Variants in TTC21B observed in about 807,000 individuals in gnomAD.
TTC21B encodes the protein tetratricopeptide repeat protein 21B.
TTC21B carries 127 observed loss-of-function variants against 175.1 expected under a neutral mutation model. The ratio of observed to expected loss-of-function variants is 0.73; its 90% CI spans 0.63 to 0.84. TTC21B has a LOEUF of 0.84. Among genes scored for constraint, TTC21B ranks in the 40% least tolerant of loss-of-function variants. The pLI is 0.00. For missense variants in TTC21B, 1,561 were observed against 1,558.3 expected, an observed-to-expected ratio of 1.00 and a Z score of -0.03; for synonymous variants, 524 against 524.5, an observed-to-expected ratio of 1.00 and a Z score of 0.01.
rs564254652 is a variant in TTC21B, at chr2:165,915,578, T to G, written c.1900-139A>C. On this transcript the variant is annotated intron_variant, in intron 14 of 28. Transcript: ENST00000243344. ...TACGAAATAAATTGATAGAATTTTC[T>G]GAAACCTCAAAAATTTAAAACTAAA... 1.6e-4 allele frequency: 133 copies of G among 843,364 alleles called. 1 individual carries two copies. Among genetic ancestry groups the G allele is most frequent in the Non-Finnish European group, 2.4e-4 (129 of 529,316 alleles). The allele number at this position is 843,364 out of a possible 1,614,324, so 52.2% of individuals were successfully genotyped here.
intron 1 of TTC21B, 26 bp from the exon 2 acceptor site, chr2:165,949,750 T>C: frequency 6.3e-7 from 1 of 1,593,478 alleles, no homozygotes; most frequent in Non-Finnish European, 8.6e-7. Context: ...GAAAAAATGT[T>C]ATAAAGGAAT....
In TTC21B at chr2:165,914,657, CTG is replaced by C. The variant is rs551411661; in HGVS notation, c.2138+542_2138+543del. Among the ~76,000 whole-genome samples the C allele has an allele frequency of 3.4e-3, 396 of 118,156 alleles. 3 individuals carry two copies. The highest frequency in any genetic ancestry group is 4.7e-3 in the African/African-American group (109 of 23,400). The allele number at this position is 118,156 out of a possible 152,430, so 77.5% of individuals were successfully genotyped here. A position where few individuals can be genotyped will look rare whatever the true frequency, so the allele number is the denominator to read the frequency against. ...GTTTGGGGAGAAGAGGAAGAGCAAT[CTG>C]TGTGTGTGTGTGTGTGTGTGTGTGT... On this transcript the variant is annotated intron_variant, in intron 15 of 28. Coordinates refer to ENST00000243344, the MANE Select transcript of TTC21B (RefSeq NM_024753.5).
chr2:165,886,410 ATTT>A (rs1445168583), intron 25 of TTC21B, among the ~76,000 whole-genome samples: 1 of 152,014 alleles, frequency 6.6e-6, no homozygotes, highest in Non-Finnish European at 1.5e-5. Context: ...ACCATACATT[ATTT>A]ATCTTTGTGT....
Position 165,915,405 on chromosome 2 carries a change from T to G in TTC21B, c.1934A>C (p.His645Pro). The change falls in exon 15 of 29, where the codon CAT becomes CCT. Residue 645 changes from histidine to proline, a missense_variant. By Grantham distance (77) the His-to-Pro change is moderately conservative. Coordinates refer to ENST00000243344, the MANE Select transcript of TTC21B (RefSeq NM_024753.5). The part of the protein sequence containing the change: ...EATKVLQDAI[H>P]EFSGTSEEVR... ...TTCTTCAGATGTTCCAGAAAATTCA[T>G]GGATGGCATCTTGTAAAACTTTGGT... is the stretch of plus-strand genomic sequence containing the variant. 6.2e-7 allele frequency: 1 copy of G among 1,614,150 alleles called. No homozygotes were observed. The highest frequency in any genetic ancestry group is 8.5e-7 in the Non-Finnish European group (1 of 1,179,998).
At chr2:165,900,112 G>A (rs1685507423) in intron 20 of TTC21B, among the ~76,000 whole-genome samples, 1 of 147,574 alleles carries the variant, frequency 6.8e-6, no homozygotes, top group African/African-American at 2.5e-5. Context: ...CAAAAGTAGA[G>A]AGACATAATG....
At chr2:165,929,440 T>C in intron 10 of TTC21B, 105 bp from the exon 11 acceptor site, 1 of 1,040,234 alleles carries the variant, frequency 9.6e-7, no homozygotes, top group Non-Finnish European at 1.4e-6. Context: ...TGCAATTATT[T>C]GTTCAAACTC....
chr2:165,917,495 T>C lies in TTC21B; in HGVS notation c.1675-14A>G, dbSNP rs1191201911. ...ATAGTCTCTCACCTGAAGAATAATA[T>C]TTAATATTTCCTTGGAGTGCTTACA... On this transcript the variant is annotated splice_polypyrimidine_tract_variant and intron_variant, in intron 13 of 28. Coordinates refer to ENST00000243344, the MANE Select transcript of TTC21B (RefSeq NM_024753.5). The C allele has an allele frequency of 1.3e-6, 2 of 1,587,964 alleles. No homozygotes were observed.
rs1686216272 is a variant in TTC21B at position 165,917,400 on chromosome 2, G to A, written c.1756C>T (p.Leu586=). The A allele has an allele frequency of 7.4e-6, 12 of 1,614,034 alleles. No individual in the cohort carries two copies. The highest frequency in any genetic ancestry group is 1.0e-5 in the Non-Finnish European group (12 of 1,180,018). ...CCTGGTAAACTCATTGCCATATGCA[G>A]TGTTTTAATTGCGTCTGCTATTTCT... The part of the protein sequence containing the change: ...MGEIADAIKT[L]HMAMSLPGMK... The change falls in exon 14 of 29, where the codon CTG becomes TTG. Residue 586 remains leucine, a synonymous_variant. Coordinates refer to ENST00000243344, the MANE Select transcript of TTC21B (RefSeq NM_024753.5).
intron 22 of TTC21B, among the ~76,000 whole-genome samples, chr2:165,892,784 G>C (rs958931883): frequency 6.6e-6 from 1 of 152,136 alleles, no homozygotes; most frequent in Non-Finnish European, 1.5e-5. Flanking sequence ...AACGTTGATG[G>C]ATAACGGTGA....
intron 22 of TTC21B, among the ~76,000 whole-genome samples, chr2:165,897,468 A>G (rs1685409628): frequency 6.6e-6 from 1 of 152,184 alleles, no homozygotes; most frequent in Non-Finnish European, 1.5e-5. Context: ...AACAGTGAGC[A>G]GTGATGCCAG....
rs1244286834 is a variant in TTC21B at position 165,941,243 on chromosome 2, T to C, written c.553-59A>G. The C allele has an allele frequency of 3.8e-6, 6 of 1,577,792 alleles. No homozygotes were observed. The Admixed American group carries it at 5.0e-5, about 13-fold the overall frequency. ...GTGATCTTTCATATCAAAGTTCTCA[T>C]AACGCAGAGCAGGCAGAGTATGAGC... On this transcript the variant is annotated intron_variant, in intron 5 of 28. Coordinates refer to ENST00000243344, the MANE Select transcript of TTC21B (RefSeq NM_024753.5).
intron 14 of TTC21B, 96 bp downstream of exon 14, chr2:165,917,161 G>C (rs565834183): frequency 8.4e-7 from 1 of 1,189,836 alleles, no homozygotes; most frequent in Non-Finnish European, 1.2e-6. Flanking sequence ...TTACAGGTGT[G>C]AGCCACCATG....
intron 5 of TTC21B, among the ~76,000 whole-genome samples, chr2:165,942,398 C>G (rs1045777110): frequency 2.6e-5 from 4 of 152,196 alleles, no homozygotes; most frequent in African/African-American, 7.2e-5. Context: ...GTTCTAATGA[C>G]TCCTTCAATT....
chr2:165,886,285 G>T (rs992155511), intron 25 of TTC21B, among the ~76,000 whole-genome samples: 5 of 152,028 alleles, frequency 3.3e-5, no homozygotes, highest in African/African-American at 1.2e-4. Flanking sequence ...GTCTCCTACA[G>T]CATTTTTATT....
intron 26 of TTC21B, among the ~76,000 whole-genome samples, chr2:165,882,953 A>AATAGTG (rs1414537612): frequency 6.6e-6 from 1 of 152,134 alleles, no homozygotes; most frequent in African/African-American, 2.4e-5. Context: ...AATCGTCTAG[A>AATAGTG]ATAGTGCATA....
At position 165,912,500 on chromosome 2, in the gene TTC21B, A is replaced by C; in HGVS notation, c.2322+14T>G. On this transcript the variant is annotated intron_variant, in intron 17 of 28. Transcript: ENST00000243344. ...TTGATGCAACAGACATATTTCAAAC[A>C]ATAAAGTACTTACCATTGAGTAGTT... 6.3e-7 allele frequency: 1 copy of C among 1,596,780 alleles called. No individual in the cohort carries two copies. Among genetic ancestry groups the C allele is most frequent in the Non-Finnish European group, 8.6e-7 (1 of 1,164,206 alleles).
At position 165,874,650 on chromosome 2, in the gene TTC21B, C is replaced by T. The variant is rs74548052; in HGVS notation, c.*105G>A. Reference sequence around the variant, plus strand: ...CCTCTGCTGGAGAAAAAAGGGTATACTTCTAATAACAAAGCACTGAGCTCA... The same window carrying T: ...CCTCTGCTGGAGAAAAAAGGGTATATTTCTAATAACAAAGCACTGAGCTCA... On this transcript the variant is annotated 3_prime_UTR_variant, in exon 29 of 29. Transcript: ENST00000243344. 6,409 of 1,004,518 alleles carry T rather than the reference C, an allele frequency of 6.4e-3. 267 individuals are homozygous for T. The African/African-American group carries it at 0.091, about 14-fold the overall frequency. 62.2% of individuals were successfully genotyped at this position (1,004,518 alleles called of 1,614,324 possible).
rs773926394 is a variant in TTC21B at position 165,890,349 on chromosome 2, C to T, written c.3263+130G>A. 77 of 805,734 alleles carry T rather than the reference C, an allele frequency of 9.6e-5. 1 individual carries two copies. The highest frequency in any genetic ancestry group is 1.5e-4 in the Non-Finnish European group (74 of 498,626). The allele number at this position is 805,734 out of a possible 1,614,324, so 49.9% of individuals were successfully genotyped here. A position where few individuals can be genotyped will look rare whatever the true frequency, so the allele number is the denominator to read the frequency against. The stretch of plus-strand genomic sequence containing the variant: ...ATTCTCTGAAACAGGCAATGAAATG[C>T]CTATTTATTTAATTTATTCATCTGA... On this transcript the variant is annotated intron_variant, in intron 24 of 28. Transcript: ENST00000243344.
chr2:165,876,172 CAT>C lies in TTC21B; in HGVS notation c.3864_3865del (p.Ile1288MetfsTer6), dbSNP rs1291797554. On this transcript the variant is annotated frameshift_variant, in exon 28 of 29. Coordinates refer to ENST00000243344, the MANE Select transcript of TTC21B (RefSeq NM_024753.5). LOFTEE classifies it high-confidence loss of function. ...CTAAATTTAAGTGTTTACCTGGTGA[CAT>C]ATGTCAATTGAATCCACATATCTTT... 1 of 1,593,342 alleles carries C rather than the reference CAT, an allele frequency of 6.3e-7. No individual in the cohort carries two copies. Among genetic ancestry groups the C allele is most frequent in the Non-Finnish European group, 8.6e-7 (1 of 1,163,358 alleles).
Sources: allele counts gnomAD v4.1 joint callset (sites outside exome capture counted in the v4.1 genomes callset), GRCh38; gene constraint gnomAD v4.1.1; transcripts MANE v1.5; gene names NCBI Gene and HGNC (gene_info 2026-07-23, HGNC 2026-07-21).